The following SEPTIN9 variants were observed in gnomAD, a reference collection of about 807,000 sequenced individuals.
The protein encoded by SEPTIN9 is septin 9.
SEPTIN9 carries 13 observed loss-of-function variants against 56.6 expected under a neutral mutation model. The ratio of observed to expected loss-of-function variants is 0.23; its 90% CI spans 0.15 to 0.37. The LOEUF is 0.37. Among genes scored for constraint, SEPTIN9 ranks in the 10% least tolerant of loss-of-function variants. The probability of loss-of-function intolerance (pLI) is 1.00; values close to 1 mark genes in which losing one functional copy is unlikely to be tolerated. For synonymous variants in SEPTIN9, 332 were observed against 334.1 expected, an observed-to-expected ratio of 0.99 and a Z score of 0.07; for missense variants, 650 against 823.1, an observed-to-expected ratio of 0.79 and a Z score of 2.57.
At position 77,405,221 on chromosome 17, in the gene SEPTIN9, A is replaced by G. The variant is rs952988653; in HGVS notation, c.721+2518A>G. On this transcript the variant is annotated intron_variant, in intron 3 of 11. Coordinates refer to ENST00000427177, the MANE Select transcript of SEPTIN9 (RefSeq NM_001113491.2). This position sits in a 1 kb window ranked among gnomAD's most constrained non-coding sequence, Gnocchi z 5.8. ...GTTTAGCCCCTAAATTGTGCCAGAG[A>G]CTGTGCCGGGAGCCAGGCCCAGGGA... 7.6e-7 allele frequency: 1 copy of G among 1,308,058 alleles called. No individual in the cohort carries two copies. Among genetic ancestry groups the G allele is most frequent in the African/African-American group, 1.5e-5 (1 of 68,256 alleles). 81.0% of individuals were successfully genotyped at this position (1,308,058 alleles called of 1,614,324 possible).
At chr17:77,481,868 C>G in intron 3 of SEPTIN9, 1 of 519,536 alleles carries the variant, frequency 1.9e-6, no homozygotes, top group East Asian at 3.3e-5. Context: ...GGCACAGCTC[C>G]TAGAAGAGGA....
At chr17:77,477,556 T>C (rs2039268662) in intron 3 of SEPTIN9, among the ~76,000 whole-genome samples, 2 of 152,188 alleles carry the variant, frequency 1.3e-5, no homozygotes, top group Admixed American at 1.3e-4. Context: ...TGTTAGTTAT[T>C]TCTGGAGCCG....
rs1261565885 is a variant in SEPTIN9 at position 77,326,785 on chromosome 17, C to T, written c.76+19588C>T. On this transcript the variant is annotated intron_variant, in intron 2 of 11. Transcript: ENST00000427177. This position sits in a 1 kb window ranked among gnomAD's most constrained non-coding sequence, Gnocchi z 5.1. The stretch of plus-strand genomic sequence containing the variant: ...ACAAGGTTCAGCACCACCCCGCAAC[C>T]TCCAGGTAGGGGAGAGGGGCTGAAG... Among the ~76,000 whole-genome samples the T allele has an allele frequency of 6.6e-6, 1 of 152,164 alleles. No homozygotes were observed. Among genetic ancestry groups the T allele is most frequent in the Non-Finnish European group, 1.5e-5 (1 of 68,030 alleles).
At chr17:77,380,903 T>C (rs1310639864) in intron 2 of SEPTIN9, among the ~76,000 whole-genome samples, 1 of 152,232 alleles carries the variant, frequency 6.6e-6, no homozygotes, top group East Asian at 1.9e-4. Flanking sequence ...GGGCAGTTCC[T>C]GGGAGCTGGT....
intron 1 of SEPTIN9, among the ~76,000 whole-genome samples, chr17:77,289,236 A>G (rs1051179404): frequency 4.1e-5 from 6 of 147,796 alleles, no homozygotes; most frequent in Admixed American, 3.4e-4. Context: ...AGCTGGGATT[A>G]CAGGCACGCG....
rs2033256162 is a variant in SEPTIN9 at position 77,329,183 on chromosome 17, G to A, written c.76+21986G>A. On this transcript the variant is annotated intron_variant, in intron 2 of 11. Coordinates refer to ENST00000427177, the MANE Select transcript of SEPTIN9 (RefSeq NM_001113491.2). The surrounding 1 kb of genome is among the most constrained non-coding windows in gnomAD (Gnocchi z 4.3). ...GACCTCAGTGCCCTGTGGCTGCTGA[G>A]AATGGCCAGGGGCAGGCAGGGAGGC... Among the ~76,000 whole-genome samples the A allele has an allele frequency of 6.6e-6, 1 of 152,222 alleles. No homozygotes were observed. The highest frequency in any genetic ancestry group is 2.4e-5 in the African/African-American group (1 of 41,446).
intron 1 of SEPTIN9, among the ~76,000 whole-genome samples, chr17:77,297,845 G>A (rs148150016): frequency 6.6e-6 from 1 of 152,332 alleles, no homozygotes; most frequent in African/African-American, 2.4e-5. Flanking sequence ...TAAGGTGATT[G>A]CATAGAAAGT....
At chr17:77,386,118 G>A (rs2035328900) in intron 2 of SEPTIN9, among the ~76,000 whole-genome samples, 1 of 152,200 alleles carries the variant, frequency 6.6e-6, no homozygotes, top group Non-Finnish European at 1.5e-5. Flanking sequence ...TCCCTCAGCT[G>A]TGGGCTTCCC....
rs2035476227 is a variant in SEPTIN9 at position 77,389,981 on chromosome 17, T to A, written c.77-12078T>A. On this transcript the variant is annotated intron_variant, in intron 2 of 11. Transcript: ENST00000427177. This position sits in a 1 kb window ranked among gnomAD's most constrained non-coding sequence, Gnocchi z 4.3. ...GCGCCACTTTAAAGTCCGCCTGGAA[T>A]GACCCTGTGGCTGCCGGAACCAGGG... Among the ~76,000 whole-genome samples, 1 of 152,010 alleles carries A rather than the reference T, an allele frequency of 6.6e-6. No individual in the cohort carries two copies. Among genetic ancestry groups the A allele is most frequent in the African/African-American group, 2.4e-5 (1 of 41,400 alleles).
chr17:77,393,181 C>T (rs1296001291), intron 2 of SEPTIN9, among the ~76,000 whole-genome samples: 1 of 152,182 alleles, frequency 6.6e-6, no homozygotes, highest in African/African-American at 2.4e-5. Flanking sequence ...TAAAGGGTGC[C>T]TCACCAGCTC....
In SEPTIN9 at chr17:77,433,414, G is replaced by T. The variant is rs2037222203; in HGVS notation, c.721+30711G>T. On this transcript the variant is annotated intron_variant, in intron 3 of 11. Coordinates refer to ENST00000427177, the MANE Select transcript of SEPTIN9 (RefSeq NM_001113491.2). This position sits in a 1 kb window ranked among gnomAD's most constrained non-coding sequence, Gnocchi z 6.4. ...GCGAGGACCCCCCCCGGCCAACAGG[G>T]TCTGCTTAGGTGTCCGTCCTGTTGG... Among the ~76,000 whole-genome samples the T allele has an allele frequency of 6.6e-6, 1 of 151,820 alleles. No homozygotes were observed. Among genetic ancestry groups the T allele is most frequent in the Non-Finnish European group, 1.5e-5 (1 of 67,944 alleles).
Position 77,281,520 on chromosome 17 carries a change from C to A in SEPTIN9, c.-16C>A, listed in dbSNP as rs752979877. On this transcript the variant is annotated 5_prime_UTR_variant, in exon 1 of 12. Transcript: ENST00000427177. ...CGCCGCCACACTTTCCTGGGAGCGG[C>A]GGCCACGGAGGCACCATGAAGAAGT... is the stretch of plus-strand genomic sequence containing the variant. 2 of 1,547,710 alleles carry A rather than the reference C, an allele frequency of 1.3e-6. No individual in the cohort carries two copies. Among genetic ancestry groups the A allele is most frequent in the Admixed American group, 2.0e-5 (1 of 51,136 alleles).
At chr17:77,370,162 C>T (rs941994826) in intron 2 of SEPTIN9, among the ~76,000 whole-genome samples, 1 of 152,220 alleles carries the variant, frequency 6.6e-6, no homozygotes, top group South Asian at 2.1e-4. Flanking sequence ...ACTGTCGAAA[C>T]TGGGTGGCTT....
In SEPTIN9 at chr17:77,421,356, G is replaced by GAGCTCAT. The variant is rs1386922321; in HGVS notation, c.721+18654_721+18660dup. Among the ~76,000 whole-genome samples the GAGCTCAT allele has an allele frequency of 6.6e-6, 1 of 152,178 alleles. No homozygotes were observed. Among genetic ancestry groups the GAGCTCAT allele is most frequent in the Non-Finnish European group, 1.5e-5 (1 of 68,034 alleles). On this transcript the variant is annotated intron_variant, in intron 3 of 11. Transcript: ENST00000427177. This position sits in a 1 kb window ranked among gnomAD's most constrained non-coding sequence, Gnocchi z 4.6. Reference sequence around the variant, plus strand: ...CTCTCCCCCCAGTCACAGCTGCCAGGAGCTCATCTTTCTCTGTCTCCTCCC... The same window carrying GAGCTCAT: ...CTCTCCCCCCAGTCACAGCTGCCAGGAGCTCATAGCTCATCTTTCTCTGTCTCCTCCC...
At position 77,330,705 on chromosome 17, in the gene SEPTIN9, G is replaced by T. The variant is rs1346501748; in HGVS notation, c.76+23508G>T. ...TCGCTTGCCTCTCAGAGAGCACATG[G>T]CTTGACCATCACGGGGACTGGGGGA... On this transcript the variant is annotated intron_variant, in intron 2 of 11. Transcript: ENST00000427177. This position sits in a 1 kb window ranked among gnomAD's most constrained non-coding sequence, Gnocchi z 4.4. 6.6e-6 allele frequency among the ~76,000 whole-genome samples: 1 copy of T among 152,230 alleles called. No individual in the cohort carries two copies.
rs937281797 is a variant in SEPTIN9 at position 77,319,483 on chromosome 17, T to C, written c.76+12286T>C. 4 of 940,852 alleles carry C rather than the reference T, an allele frequency of 4.3e-6. No individual in the cohort carries two copies. In the African/African-American group the frequency reaches 6.9e-5, roughly 16 times the overall value. The allele number at this position is 940,852 out of a possible 1,614,324, so 58.3% of individuals were successfully genotyped here. The stretch of plus-strand genomic sequence containing the variant: ...AATCTTCCAGGAAGTCCCCGTCCCG[T>C]TCGCCCTCTCTGCCTGGGCGGGGAC... On this transcript the variant is annotated intron_variant, in intron 2 of 11. Coordinates refer to ENST00000427177, the MANE Select transcript of SEPTIN9 (RefSeq NM_001113491.2). The surrounding 1 kb of genome is among the most constrained non-coding windows in gnomAD (Gnocchi z 5.3).
intron 1 of SEPTIN9, among the ~76,000 whole-genome samples, chr17:77,303,540 T>C (rs1462490263): frequency 6.6e-6 from 1 of 151,798 alleles, no homozygotes; most frequent in Non-Finnish European, 1.5e-5. Flanking sequence ...GGTGAAACCC[T>C]GTCTCTACCG....
intron 3 of SEPTIN9, among the ~76,000 whole-genome samples, chr17:77,444,374 T>C (rs2037657889): frequency 6.6e-6 from 1 of 151,440 alleles, no homozygotes; most frequent in Non-Finnish European, 1.5e-5. Flanking sequence ...GGAGCAGTCA[T>C]AGGGTGGAAA....
Position 77,317,672 on chromosome 17 carries a change from A to G in SEPTIN9, c.76+10475A>G, listed in dbSNP as rs2032758855. Among the ~76,000 whole-genome samples the G allele has an allele frequency of 6.6e-6, 1 of 152,150 alleles. No individual in the cohort carries two copies. The highest frequency in any genetic ancestry group is 1.5e-5 in the Non-Finnish European group (1 of 68,032). On this transcript the variant is annotated intron_variant, in intron 2 of 11. Coordinates refer to ENST00000427177, the MANE Select transcript of SEPTIN9 (RefSeq NM_001113491.2). The surrounding 1 kb of genome is among the most constrained non-coding windows in gnomAD (Gnocchi z 4.2). ...CATTATATATTATAATAATAATAGAAATAAAGTGCACAATCAATACAACGT... is the reference window on the plus strand; with the variant it reads ...CATTATATATTATAATAATAATAGAGATAAAGTGCACAATCAATACAACGT...
Sources: gnomAD v4.1 joint callset for allele counts (sites outside exome capture counted in the v4.1 genomes callset) on GRCh38, gnomAD v4.1.1 for gene constraint, Gnocchi (gnomAD v3.1) non-coding constraint, MANE v1.5 for transcripts, NCBI Gene and HGNC (gene_info 2026-07-23, HGNC 2026-07-21) for gene names.